UBE2E2: variants seen among roughly 807,000 people sequenced by gnomAD.
UBE2E2 encodes ubiquitin conjugating enzyme E2 E2.
Under a neutral mutation model 24.7 loss-of-function variants are expected in UBE2E2, and 6 were observed. That is an observed-to-expected ratio of 0.24 (90% CI 0.13 to 0.48). The LOEUF (loss-of-function observed/expected upper bound fraction) is 0.48, where lower values mean the gene tolerates loss of function less well. Among genes scored for constraint, UBE2E2 ranks in the 20% least tolerant of loss-of-function variants. The pLI, the probability that UBE2E2 is intolerant of heterozygous loss-of-function variation, is 0.99. For synonymous variants in UBE2E2, 104 were observed against 83.6 expected, an observed-to-expected ratio of 1.24 and a Z score of -1.33; for missense variants, 169 against 245.0, an observed-to-expected ratio of 0.69 and a Z score of 2.07.
At chr3:23,392,215 C>G (rs1229441984) in intron 3 of UBE2E2, among the ~76,000 whole-genome samples, 1 of 152,122 alleles carries the variant, frequency 6.6e-6, no homozygotes, top group African/African-American at 2.4e-5. Context: ...ATAGTATGGC[C>G]TAGCGAATAA....
At chr3:23,310,973 C>T (rs1420809354) in intron 3 of UBE2E2, among the ~76,000 whole-genome samples, 1 of 152,062 alleles carries the variant, frequency 6.6e-6, no homozygotes, top group Non-Finnish European at 1.5e-5. Context: ...TTGTCATTTA[C>T]ATTAGGTATA....
At chr3:23,461,207 A>G (rs897559826) in intron 3 of UBE2E2, among the ~76,000 whole-genome samples, 1 of 152,180 alleles carries the variant, frequency 6.6e-6, no homozygotes, top group Admixed American at 6.5e-5. Flanking sequence ...GTGACCTCAT[A>G]TAGATGTAAC....
intron 3 of UBE2E2, among the ~76,000 whole-genome samples, chr3:23,380,406 T>G (rs544446138): frequency 6.6e-6 from 1 of 152,148 alleles, no homozygotes; most frequent in Non-Finnish European, 1.5e-5. Flanking sequence ...TTAAATTTTT[T>G]GTAGAGACTA....
intron 3 of UBE2E2, among the ~76,000 whole-genome samples, chr3:23,283,441 C>T (rs754523926): frequency 3.7e-4 from 56 of 152,056 alleles, no homozygotes; most frequent in Admixed American, 3.7e-3. Context: ...AAATTTAGGT[C>T]GGTGGTTCTC....
At chr3:23,420,001 G>A (rs1381127505) in intron 3 of UBE2E2, among the ~76,000 whole-genome samples, 2 of 152,096 alleles carry the variant, frequency 1.3e-5, no homozygotes, top group African/African-American at 2.4e-5. Flanking sequence ...GCTAAGACTA[G>A]GCATGTACAT....
chr3:23,537,741 A>G (rs1695299108), intron 5 of UBE2E2, among the ~76,000 whole-genome samples: 1 of 152,164 alleles, frequency 6.6e-6, no homozygotes, highest in African/African-American at 2.4e-5. Context: ...CTGATACCTT[A>G]GCTTTGATTG....
At chr3:23,398,218 C>A (rs1004144512) in intron 3 of UBE2E2, among the ~76,000 whole-genome samples, 49 of 145,454 alleles carry the variant, frequency 3.4e-4, no homozygotes, top group African/African-American at 1.3e-3. Context: ...GAGGGTGAGG[C>A]AAGAGAATCA....
intron 3 of UBE2E2, among the ~76,000 whole-genome samples, chr3:23,328,666 T>TG (rs1250778765): frequency 6.6e-6 from 1 of 151,710 alleles, no homozygotes; most frequent in Non-Finnish European, 1.5e-5. Flanking sequence ...CTCTCTCTTT[T>TG]TTTTTTTTTG....
rs982427981 is a variant in UBE2E2, at chr3:23,580,343, C to T, written c.509-9391C>T. 5.9e-5 allele frequency among the ~76,000 whole-genome samples: 9 copies of T among 152,286 alleles called. No homozygotes were observed. In the East Asian group the frequency reaches 1.7e-3, roughly 29 times the overall value. On this transcript the variant is annotated intron_variant, in intron 5 of 5. Transcript: ENST00000396703. Reference sequence around the variant, plus strand: ...ATTGTAAGAAATTGCCATAGCCACCCCAGCCTTCAGTAACCTGATCAGTCA... The same window carrying T: ...ATTGTAAGAAATTGCCATAGCCACCTCAGCCTTCAGTAACCTGATCAGTCA...
intron 3 of UBE2E2, among the ~76,000 whole-genome samples, chr3:23,261,486 T>A (rs1334482264): frequency 6.6e-6 from 1 of 152,126 alleles, no homozygotes; most frequent in East Asian, 1.9e-4. Context: ...GAGAGAACAT[T>A]AGGATGTACT....
chr3:23,341,959 A>G (rs1287895560), intron 3 of UBE2E2, among the ~76,000 whole-genome samples: 2 of 152,218 alleles, frequency 1.3e-5, no homozygotes, highest in Admixed American at 6.5e-5. Context: ...TCCATATAAC[A>G]AAACTAATAA....
intron 3 of UBE2E2, among the ~76,000 whole-genome samples, chr3:23,321,214 G>A (rs1694729046): frequency 6.6e-6 from 1 of 152,156 alleles, no homozygotes; most frequent in South Asian, 2.1e-4. Flanking sequence ...GTTTAGGGTC[G>A]ACTCTGATTA....
chr3:23,554,981 A>C (rs1390984460), intron 5 of UBE2E2, among the ~76,000 whole-genome samples: 1 of 149,694 alleles, frequency 6.7e-6, no homozygotes, highest in Non-Finnish European at 1.5e-5. Flanking sequence ...CAGTGATGTG[A>C]TCTCTGCTCA....
At chr3:23,249,181 G>GGATT (rs1697503055) in intron 3 of UBE2E2, among the ~76,000 whole-genome samples, 1 of 151,928 alleles carries the variant, frequency 6.6e-6, no homozygotes. Context: ...TGAGGTAGGA[G>GGATT]GATTGCTTTG....
intron 3 of UBE2E2, among the ~76,000 whole-genome samples, chr3:23,252,419 A>C (rs756013926): frequency 5.3e-5 from 8 of 152,376 alleles, no homozygotes; most frequent in Non-Finnish European, 1.2e-4. Context: ...GACAATGTGT[A>C]TGAAAAAGAA....
intron 3 of UBE2E2, among the ~76,000 whole-genome samples, chr3:23,423,069 G>A (rs904813341): frequency 7.2e-5 from 11 of 152,246 alleles, no homozygotes; most frequent in African/African-American, 2.4e-4. Flanking sequence ...TACAGTTCTT[G>A]TTTAAGATGT....
chr3:23,321,751 C>T (rs898752673), intron 3 of UBE2E2, among the ~76,000 whole-genome samples: 4 of 151,274 alleles, frequency 2.6e-5, no homozygotes, highest in African/African-American at 9.7e-5. Flanking sequence ...TCTGATCAAT[C>T]TCCAGAGACT....
chr3:23,483,016 G>T (rs1699289054), intron 3 of UBE2E2, among the ~76,000 whole-genome samples: 1 of 152,180 alleles, frequency 6.6e-6, no homozygotes, highest in Non-Finnish European at 1.5e-5. Context: ...ACTCTAATCT[G>T]TACTTTTATT....
chr3:23,406,570 TTAAA>T (rs1430456300), intron 3 of UBE2E2, among the ~76,000 whole-genome samples: 1 of 152,212 alleles, frequency 6.6e-6, no homozygotes, highest in African/African-American at 2.4e-5. Context: ...ATAGTAAAAC[TTAAA>T]TAAGTAAATG....
Sources: allele counts gnomAD v4.1 joint callset (sites outside exome capture counted in the v4.1 genomes callset), GRCh38; gene constraint gnomAD v4.1.1; transcripts MANE v1.5; gene names NCBI Gene and HGNC (gene_info 2026-07-23, HGNC 2026-07-21).